Variants in CDC42BPB observed in about 807,000 individuals in gnomAD.
CDC42BPB encodes the protein CDC42 binding protein kinase beta.
CDC42BPB carries 37 observed loss-of-function variants against 214.9 expected under a neutral mutation model. The observed-to-expected ratio is 0.17, with a 90% CI of 0.13 to 0.23. CDC42BPB has a LOEUF of 0.23. Among genes scored for constraint, CDC42BPB ranks in the 10% least tolerant of loss-of-function variants. The probability of loss-of-function intolerance (pLI) is 1.00; values close to 1 mark genes in which losing one functional copy is unlikely to be tolerated. For synonymous variants in CDC42BPB, 931 were observed against 884.0 expected, an observed-to-expected ratio of 1.05 and a Z score of -0.94; for missense variants, 1,694 against 2,227.0, an observed-to-expected ratio of 0.76 and a Z score of 4.82.
chr14:102,937,560 G>C (rs974224891), intron 36 of CDC42BPB, among the ~76,000 whole-genome samples: 2 of 151,064 alleles, frequency 1.3e-5, no homozygotes, highest in East Asian at 3.9e-4. Flanking sequence ...TCACTCCTCA[G>C]CCCTCAGCAC....
At chr14:103,048,530 TACAAAAAAAAAAAA>T (rs1566927035) in intron 1 of CDC42BPB, among the ~76,000 whole-genome samples, 4 of 5,716 alleles carry the variant, frequency 7.0e-4, no homozygotes, top group Non-Finnish European at 4.2e-4. Flanking sequence ...CTACTAAAAA[TACAAAAAAAAAAAA>T]AAAAAAAAAA....
At position 102,947,750 on chromosome 14, in the gene CDC42BPB, T is replaced by C. The variant is rs201174859; in HGVS notation, c.3502A>G (p.Thr1168Ala). 70 of 1,612,424 alleles carry C rather than the reference T, an allele frequency of 4.3e-5. No homozygotes were observed. Among genetic ancestry groups the C allele is most frequent in the Non-Finnish European group, 5.7e-5 (67 of 1,179,804 alleles). Reference protein sequence around the residue: ...SVLASDVIHATRRDIPCIFRV... With the variant: ...SVLASDVIHAARRDIPCIFRV... Reference sequence around the variant, plus strand: ...AATATACATGGAATATCTCGGCGTGTAGCATGAATGACATCTGAGGCCAGG... The same window carrying C: ...AATATACATGGAATATCTCGGCGTGCAGCATGAATGACATCTGAGGCCAGG... The change falls in exon 27 of 37, where the codon ACA becomes GCA. Residue 1168 changes from threonine to alanine, a missense_variant. Physicochemically the swap from Thr to Ala is moderately conservative, Grantham distance 58 (BLOSUM62 0). Around this residue, in one of 7 missense-constraint regions of CDC42BPB, gnomAD observed 567 missense variants for 790.3 expected, o/e 0.72. Coordinates refer to ENST00000361246, the MANE Select transcript of CDC42BPB (RefSeq NM_006035.4).
chr14:103,046,501 G>A (rs1276346582), intron 1 of CDC42BPB, among the ~76,000 whole-genome samples: 3 of 152,106 alleles, frequency 2.0e-5, no homozygotes, highest in Non-Finnish European at 2.9e-5. Context: ...GAAAAAGAAC[G>A]CACAGGAAAC....
chr14:102,970,873 AC>A (rs1893442288), intron 13 of CDC42BPB, among the ~76,000 whole-genome samples: 2 of 152,258 alleles, frequency 1.3e-5, no homozygotes, highest in South Asian at 2.1e-4. Context: ...GGGCTAAAGA[AC>A]AAAGAGCCCT....
At chr14:103,011,264 G>A (rs1192987496) in intron 2 of CDC42BPB, among the ~76,000 whole-genome samples, 1 of 152,336 alleles carries the variant, frequency 6.6e-6, no homozygotes, top group African/African-American at 2.4e-5. Context: ...CTCTCCAGCT[G>A]CACCTGCATG....
intron 5 of CDC42BPB, among the ~76,000 whole-genome samples, chr14:102,988,091 T>A (rs139436458): frequency 1.3e-5 from 2 of 151,898 alleles, no homozygotes. Context: ...TAAAATCTTA[T>A]CAGAAATGAA....
intron 2 of CDC42BPB, among the ~76,000 whole-genome samples, chr14:103,011,535 A>G (rs1324046276): frequency 6.6e-6 from 1 of 152,184 alleles, no homozygotes; most frequent in Admixed American, 6.5e-5. Context: ...ACTTGAGGCC[A>G]GGAGTTTGAG....
intron 5 of CDC42BPB, among the ~76,000 whole-genome samples, chr14:102,995,179 CTT>C (rs952254612): frequency 3.4e-5 from 5 of 145,690 alleles, no homozygotes; most frequent in African/African-American, 7.6e-5. Context: ...CTCTCTCTCT[CTT>C]TTTTTTTTTT....
At chr14:103,028,520 C>T (rs745537459) in intron 1 of CDC42BPB, among the ~76,000 whole-genome samples, 8 of 152,202 alleles carry the variant, frequency 5.3e-5, no homozygotes, top group Admixed American at 6.5e-5. Flanking sequence ...TGATCACATA[C>T]GCATCACAGA....
Position 103,057,075 on chromosome 14 carries a change from C to T in CDC42BPB, c.99G>A (p.Val33=). 1 of 1,525,304 alleles carries T rather than the reference C, an allele frequency of 6.6e-7. No homozygotes were observed. Among genetic ancestry groups the T allele is most frequent in the Non-Finnish European group, 8.8e-7 (1 of 1,141,280 alleles). 94.5% of individuals were successfully genotyped at this position (1,525,304 alleles called of 1,614,324 possible). A position where few individuals can be genotyped will look rare whatever the true frequency, so the allele number is the denominator to read the frequency against. The change falls in exon 1 of 37, where the codon GTG becomes GTA. Residue 33 remains valine (V), a synonymous_variant. Transcript: ENST00000361246. The stretch of plus-strand genomic sequence containing the variant: ...TGCACTCGGTGTACAGGCAGACGAG[C>T]ACGTCGAGCAGCGTTTCCACGCTCA... ...SALSVETLLD[V]LVCLYTECSH... is the part of the protein sequence containing the mutation.
In CDC42BPB at chr14:103,049,784, G is replaced by C. The variant is rs556115574; in HGVS notation, c.175+7215C>G. ...GCTGGAGAGCAATGGCACAATCTCG[G>C]CTCACTGCAACCTCCGCCTCCCGGG... On this transcript the variant is annotated intron_variant, in intron 1 of 36. Transcript: ENST00000361246. 1.5e-4 allele frequency among the ~76,000 whole-genome samples: 23 copies of C among 152,332 alleles called. No individual in the cohort carries two copies. The South Asian group carries it at 4.8e-3, about 32-fold the overall frequency.
intron 1 of CDC42BPB, among the ~76,000 whole-genome samples, chr14:103,018,934 C>T (rs1886618759): frequency 6.6e-6 from 1 of 152,060 alleles, no homozygotes; most frequent in Non-Finnish European, 1.5e-5. Flanking sequence ...GGATGCAGGC[C>T]ATTCGGTTTT....
At chr14:102,950,962 T>G (rs1034912481) in intron 24 of CDC42BPB, among the ~76,000 whole-genome samples, 70 of 151,752 alleles carry the variant, frequency 4.6e-4, no homozygotes, top group African/African-American at 1.6e-3. Context: ...CGAGACTCCA[T>G]CTCAAAAAAA....
At chr14:102,955,686 T>C (rs994823516) in intron 21 of CDC42BPB, among the ~76,000 whole-genome samples, 2 of 152,236 alleles carry the variant, frequency 1.3e-5, no homozygotes. Context: ...CTGAAACTAA[T>C]AGTTTATCAT....
intron 1 of CDC42BPB, among the ~76,000 whole-genome samples, chr14:103,032,357 C>T (rs1284701948): frequency 7.0e-6 from 1 of 142,708 alleles, no homozygotes; most frequent in South Asian, 2.1e-4. Flanking sequence ...TCAGAAATGC[C>T]TATTTTTTTT....
At chr14:103,048,532 CA>C (rs71119751) in intron 1 of CDC42BPB, among the ~76,000 whole-genome samples, 3,718 of 42,500 alleles carry the variant, frequency 0.087, 44 homozygotes, top group East Asian at 0.18. Flanking sequence ...ACTAAAAATA[CA>C]AAAAAAAAAA....
At chr14:103,020,566 G>A (rs556634962) in intron 1 of CDC42BPB, among the ~76,000 whole-genome samples, 6 of 152,332 alleles carry the variant, frequency 3.9e-5, no homozygotes, top group Admixed American at 1.3e-4. Context: ...GCACACTGAC[G>A]CGCTATGCAT....
intron 1 of CDC42BPB, among the ~76,000 whole-genome samples, chr14:103,024,975 T>C (rs1367099329): frequency 6.6e-6 from 1 of 152,220 alleles, no homozygotes. Flanking sequence ...AAAAATTAAC[T>C]CCACTCATTT....
At chr14:103,047,127 T>C (rs1030656768) in intron 1 of CDC42BPB, among the ~76,000 whole-genome samples, 1 of 149,974 alleles carries the variant, frequency 6.7e-6, no homozygotes, top group African/African-American at 2.5e-5. Flanking sequence ...CTACTGAAAA[T>C]ACAAAAATTA....
Sources: allele counts gnomAD v4.1 joint callset (sites outside exome capture counted in the v4.1 genomes callset), GRCh38; gene constraint gnomAD v4.1.1; regional missense constraint gnomAD v4.1.1; transcripts MANE v1.5; gene names NCBI Gene and HGNC (gene_info 2026-07-23, HGNC 2026-07-21).